The following GABRB3 variants were observed in gnomAD, a reference collection of about 807,000 sequenced individuals.
GABRB3 encodes gamma-aminobutyric acid receptor subunit beta-3.
A neutral mutation model predicts 52.1 loss-of-function variants in GABRB3; 14 were observed. That is an observed-to-expected ratio of 0.27 (90% CI 0.18 to 0.42). The LOEUF is 0.42. Ranked by LOEUF, GABRB3 falls within the 10% of genes least tolerant of loss-of-function variation. The probability of loss-of-function intolerance (pLI) is 1.00; values close to 1 mark genes in which losing one functional copy is unlikely to be tolerated. For synonymous variants in GABRB3, 260 were observed against 232.3 expected (o/e 1.12, Z -1.08); for missense variants, 307 against 609.1 (o/e 0.50, Z 5.22).
chr15:26,735,283 T>C (rs1175032925), intron 3 of GABRB3, among the ~76,000 whole-genome samples: 1 of 152,182 alleles, frequency 6.6e-6, no homozygotes. Context: ...GCTTATGCAC[T>C]GTTGATGGGA....
intron 3 of GABRB3, among the ~76,000 whole-genome samples, chr15:26,652,273 C>T (rs1173805534): frequency 6.6e-6 from 1 of 152,222 alleles, no homozygotes; most frequent in African/African-American, 2.4e-5. Flanking sequence ...GTATACCTTC[C>T]AGGTACTGAC....
chr15:26,664,704 G>GTTTTTTTTTTTTTTTTT (rs1162139952), intron 3 of GABRB3, among the ~76,000 whole-genome samples: 3 of 95,224 alleles, frequency 3.2e-5, no homozygotes, highest in African/African-American at 8.3e-5. Flanking sequence ...TCTTTTCTTT[G>GTTTTTTTTTTTTTTTTT]TTTTTTTTTT....
At chr15:26,751,249 C>T (rs1035101200) in intron 3 of GABRB3, among the ~76,000 whole-genome samples, 9 of 152,154 alleles carry the variant, frequency 5.9e-5, no homozygotes, top group Admixed American at 3.3e-4. Context: ...TAACAAAGCA[C>T]GTTTTACTAT....
chr15:26,588,574 C>A (rs1891079265), intron 4 of GABRB3, among the ~76,000 whole-genome samples: 1 of 151,986 alleles, frequency 6.6e-6, no homozygotes, highest in African/African-American at 2.4e-5. Flanking sequence ...CTTAAACATA[C>A]AAGATACATT....
chr15:26,586,397 A>AACACACACACACACAC (rs56386894), intron 4 of GABRB3, among the ~76,000 whole-genome samples: 19,290 of 137,874 alleles, frequency 0.14, 1,930 homozygotes, highest in East Asian at 0.35. Flanking sequence ...AACCACCCCT[A>AACACACACACACACAC]ACACACACAC....
chr15:26,731,366 G>T (rs1889907747), intron 3 of GABRB3, among the ~76,000 whole-genome samples: 1 of 152,150 alleles, frequency 6.6e-6, no homozygotes, highest in Admixed American at 6.5e-5. Flanking sequence ...TACAGTTCTT[G>T]CCAGAATCAT....
rs60028329 is a variant in GABRB3, at chr15:26,608,102, C to CAAAAAA, written c.461+13206_461+13211dup. On this transcript the variant is annotated intron_variant, in intron 4 of 8. Transcript: ENST00000311550. ...AGTAATTAAAACAGCATGGTACTGG[C>CAAAAAA]AAAAAAAAAAAAAAAGGCACATCCG... 3.8e-4 allele frequency among the ~76,000 whole-genome samples: 46 copies of CAAAAAA among 120,328 alleles called. 1 individual carries two copies. In the East Asian group the frequency reaches 5.8e-3, roughly 15 times the overall value. 78.9% of individuals were successfully genotyped at this position (120,328 alleles called of 152,430 possible). A position where few individuals can be genotyped will look rare whatever the true frequency, so the allele number is the denominator to read the frequency against.
rs113856912 is a variant in GABRB3 at position 26,661,605 on chromosome 15, G to A, written c.241-40071C>T. Among the ~76,000 whole-genome samples the A allele has an allele frequency of 6.3e-3, 953 of 152,256 alleles. 8 individuals are homozygous for A. Among genetic ancestry groups the A allele is most frequent in the African/African-American group, 0.022 (925 of 41,538 alleles). ...TGGAGTGGAGCACAGTAGCGTGCAGGGAAAGGCTTACACGCACAAGAGCAA... is the reference window on the plus strand; with the variant it reads ...TGGAGTGGAGCACAGTAGCGTGCAGAGAAAGGCTTACACGCACAAGAGCAA... On this transcript the variant is annotated intron_variant, in intron 3 of 8. Coordinates refer to ENST00000311550, the MANE Select transcript of GABRB3 (RefSeq NM_000814.6).
At chr15:26,583,824 G>C (rs1264380198) in intron 4 of GABRB3, among the ~76,000 whole-genome samples, 2 of 149,094 alleles carry the variant, frequency 1.3e-5, no homozygotes, top group Admixed American at 1.3e-4. Context: ...GCCCAGGCTG[G>C]AGTGCACTGG....
chr15:26,543,621 T>C lies in GABRB3; in HGVS notation c.*4172A>G, dbSNP rs1555399869. 1 of 152,646 alleles carries C rather than the reference T, an allele frequency of 6.6e-6. No homozygotes were observed. The highest frequency in any genetic ancestry group is 1.5e-5 in the Non-Finnish European group (1 of 68,034). The allele number at this position is 152,646 out of a possible 1,614,324, so 9.5% of individuals were successfully genotyped here. On this transcript the variant is annotated 3_prime_UTR_variant, in exon 9 of 9. Coordinates refer to ENST00000311550, the MANE Select transcript of GABRB3 (RefSeq NM_000814.6). Reference sequence around the variant, plus strand: ...GTTTCATATTGTATCTATCACTCAATTTTGCTGTTTTTTCATGTCAAATAA... The same window carrying C: ...GTTTCATATTGTATCTATCACTCAACTTTGCTGTTTTTTCATGTCAAATAA...
At chr15:26,552,166 C>T (rs544568107) in intron 8 of GABRB3, among the ~76,000 whole-genome samples, 2 of 152,176 alleles carry the variant, frequency 1.3e-5, no homozygotes, top group African/African-American at 4.8e-5. Context: ...TGCCACCACA[C>T]CCAGCTAATT....
chr15:26,613,319 G>C (rs926093134), intron 4 of GABRB3: 1 of 152,722 alleles, frequency 6.5e-6, no homozygotes, highest in African/African-American at 2.4e-5. Flanking sequence ...GCTGAGGCAG[G>C]AGAATTGCTT....
intron 4 of GABRB3, among the ~76,000 whole-genome samples, chr15:26,599,856 T>C (rs962046136): frequency 6.6e-6 from 1 of 151,982 alleles, no homozygotes; most frequent in Non-Finnish European, 1.5e-5. Context: ...TCATGACACC[T>C]CTAAAAGAAT....
intron 3 of GABRB3, among the ~76,000 whole-genome samples, chr15:26,755,695 G>A (rs1290877331): frequency 6.6e-6 from 1 of 152,258 alleles, no homozygotes; most frequent in Admixed American, 6.5e-5. Context: ...TCCAATGGGA[G>A]CCCAAAGTGA....
rs1566770790 is a variant in GABRB3 at position 26,606,817 on chromosome 15, G to GATATATCT, written c.461+14496_461+14497insAGATATAT. On this transcript the variant is annotated intron_variant, in intron 4 of 8. Transcript: ENST00000311550. ...AGATAGATATATCTATAGATAGATA[G>GATATATCT]ATAGATAGATAGATAGATAGATAGA... 2.4e-3 allele frequency among the ~76,000 whole-genome samples: 31 copies of GATATATCT among 12,956 alleles called. 1 individual carries two copies. In the East Asian group the frequency reaches 0.12, roughly 50 times the overall value. The allele number at this position is 12,956 out of a possible 152,430, so 8.5% of individuals were successfully genotyped here. A position where few individuals can be genotyped will look rare whatever the true frequency, so the allele number is the denominator to read the frequency against.
chr15:26,701,604 G>T (rs887461181), intron 3 of GABRB3, among the ~76,000 whole-genome samples: 6 of 152,186 alleles, frequency 3.9e-5, no homozygotes, highest in Non-Finnish European at 7.3e-5. Context: ...TAAATGGAGA[G>T]ATATGCCATG....
intron 3 of GABRB3, among the ~76,000 whole-genome samples, chr15:26,691,856 G>A (rs956149303): frequency 6.6e-6 from 1 of 152,106 alleles, no homozygotes; most frequent in Non-Finnish European, 1.5e-5. Context: ...GCAGCTCATG[G>A]ATCTTACAAA....
At chr15:26,650,752 T>G (rs1887171012) in intron 3 of GABRB3, among the ~76,000 whole-genome samples, 1 of 152,100 alleles carries the variant, frequency 6.6e-6, no homozygotes, top group Non-Finnish European at 1.5e-5. Context: ...TAACCTATTT[T>G]GCATGCTCAC....
chr15:26,659,874 TGGAGGA>T (rs1646222836), intron 3 of GABRB3, among the ~76,000 whole-genome samples: 1 of 151,992 alleles, frequency 6.6e-6, no homozygotes, highest in African/African-American at 2.4e-5. Context: ...TCAGGAATCA[TGGAGGA>T]ATCCCTTTAA....
Sources: gnomAD v4.1 joint callset for allele counts (sites outside exome capture counted in the v4.1 genomes callset) on GRCh38, gnomAD v4.1.1 for gene constraint, MANE v1.5 for transcripts, NCBI Gene and HGNC (gene_info 2026-07-23, HGNC 2026-07-21) for gene names.